Variants in PAK5 observed in about 807,000 individuals in gnomAD.
PAK5 encodes the protein p21 (RAC1) activated kinase 5, also known as serine/threonine-protein kinase PAK 5.
A neutral mutation model predicts 65.9 loss-of-function variants in PAK5; 16 were observed. The ratio of observed to expected loss-of-function variants is 0.24; its 90% CI spans 0.16 to 0.37. The LOEUF is 0.37. PAK5 is among the 10% of genes least tolerant of loss of function. PAK5 has a pLI of 1.00. For missense variants in PAK5, 785 were observed against 903.9 expected (o/e 0.87, Z 1.69); for synonymous variants, 371 against 354.9 (o/e 1.05, Z -0.51).
chr20:9,671,565 G>T (rs1421210679), intron 2 of PAK5, among the ~76,000 whole-genome samples: 1 of 151,594 alleles, frequency 6.6e-6, no homozygotes, highest in Non-Finnish European at 1.5e-5. Flanking sequence ...TCAGGATTTG[G>T]CTCTCTGTTT....
intron 1 of PAK5, among the ~76,000 whole-genome samples, chr20:9,766,696 G>A (rs1486877974): frequency 6.6e-6 from 1 of 151,220 alleles, no homozygotes; most frequent in African/African-American, 2.4e-5. Context: ...AGTTCAAAAG[G>A]TTAAAATAGG....
At chr20:9,600,977 A>G (rs1374388472) in intron 3 of PAK5, among the ~76,000 whole-genome samples, 1 of 152,166 alleles carries the variant, frequency 6.6e-6, no homozygotes, top group Non-Finnish European at 1.5e-5. Context: ...CTGGAGGTTA[A>G]GAGTCCCACT....
intron 2 of PAK5, among the ~76,000 whole-genome samples, chr20:9,668,855 C>G (rs1010250437): frequency 3.2e-4 from 48 of 152,172 alleles, no homozygotes; most frequent in African/African-American, 1.0e-3. Context: ...AAGGGAATAT[C>G]CACATCTATA....
intron 3 of PAK5, among the ~76,000 whole-genome samples, chr20:9,598,852 T>C (rs1380400273): frequency 6.6e-6 from 1 of 152,248 alleles, no homozygotes; most frequent in African/African-American, 2.4e-5. Flanking sequence ...TGTTTTAAAC[T>C]CTTTTTATAC....
Position 9,580,213 on chromosome 20 carries a change from G to T in PAK5, c.922C>A (p.Pro308Thr), listed in dbSNP as rs771654927. Residue 308 changes from proline (P) to threonine (T), a missense_variant, in exon 4 of 10, where the codon CCC becomes ACC. Around this residue, in one of 4 missense-constraint regions of PAK5, gnomAD observed 422 missense variants for 413.3 expected, o/e 1.02. Coordinates refer to ENST00000353224, the MANE Select transcript of PAK5 (RefSeq NM_177990.4). ...PFGASAFKTH[P>T]QGHSYNSYTY... ...TAGGAGTTGTAGGAGTGTCCTTGGGGATGGGTTTTAAATGCACTTGCTCCA... is the reference window on the plus strand; with the variant it reads ...TAGGAGTTGTAGGAGTGTCCTTGGGTATGGGTTTTAAATGCACTTGCTCCA... The T allele has an allele frequency of 6.2e-6, 10 of 1,614,022 alleles. No homozygotes were observed. The African/African-American group carries it at 6.7e-5, about 11-fold the overall frequency.
At chr20:9,589,704 T>G (rs2046132513) in intron 3 of PAK5, among the ~76,000 whole-genome samples, 1 of 152,192 alleles carries the variant, frequency 6.6e-6, no homozygotes, top group African/African-American at 2.4e-5. Context: ...GAGTTTCACC[T>G]TTGTTGCCCA....
At chr20:9,653,172 C>T (rs2047222903) in intron 2 of PAK5, among the ~76,000 whole-genome samples, 1 of 152,096 alleles carries the variant, frequency 6.6e-6, no homozygotes, top group South Asian at 2.1e-4. Flanking sequence ...TCCACATTGG[C>T]AGAATGACAA....
intron 1 of PAK5, among the ~76,000 whole-genome samples, chr20:9,819,360 T>A (rs543460863): frequency 6.6e-6 from 1 of 152,096 alleles, no homozygotes; most frequent in Non-Finnish European, 1.5e-5. Context: ...CACAAGAGGA[T>A]AGGGCTAAAG....
At chr20:9,763,034 G>A (rs2048717643) in intron 1 of PAK5, among the ~76,000 whole-genome samples, 2 of 152,088 alleles carry the variant, frequency 1.3e-5, no homozygotes. Flanking sequence ...AATACTGTAT[G>A]ATCTCACCTA....
chr20:9,833,633 G>A (rs930079125), intron 1 of PAK5, among the ~76,000 whole-genome samples: 4 of 151,782 alleles, frequency 2.6e-5, no homozygotes. Flanking sequence ...CTTTTGAAAA[G>A]TTTTCTTTTA....
At chr20:9,709,787 T>C (rs1281512652) in intron 2 of PAK5, among the ~76,000 whole-genome samples, 1 of 152,000 alleles carries the variant, frequency 6.6e-6, no homozygotes, top group Non-Finnish European at 1.5e-5. Context: ...CATGAAAAAC[T>C]CTTCTGAGCA....
intron 1 of PAK5, among the ~76,000 whole-genome samples, chr20:9,808,811 G>A (rs2049263021): frequency 6.6e-6 from 1 of 152,000 alleles, no homozygotes; most frequent in African/African-American, 2.4e-5. Context: ...ATTGATTGTG[G>A]TGATGGCTGT....
intron 6 of PAK5, among the ~76,000 whole-genome samples, chr20:9,559,807 T>A (rs1209291524): frequency 6.6e-6 from 1 of 151,974 alleles, no homozygotes; most frequent in Non-Finnish European, 1.5e-5. Context: ...ACCAGTCTCA[T>A]ACAAAGGCAG....
chr20:9,604,220 C>T (rs1400902612), intron 3 of PAK5, among the ~76,000 whole-genome samples: 2 of 152,196 alleles, frequency 1.3e-5, no homozygotes, highest in Non-Finnish European at 2.9e-5. Context: ...CACAAGCTGC[C>T]TAGGGCACTG....
At chr20:9,740,167 TTAAG>T (rs1407000689) in intron 1 of PAK5, among the ~76,000 whole-genome samples, 1 of 152,144 alleles carries the variant, frequency 6.6e-6, no homozygotes, top group Non-Finnish European at 1.5e-5. Flanking sequence ...AACACCTTAA[TTAAG>T]TGTTAATACC....
chr20:9,549,162 G>T (rs2045389628), intron 7 of PAK5, among the ~76,000 whole-genome samples: 2 of 152,082 alleles, frequency 1.3e-5, no homozygotes, highest in African/African-American at 4.8e-5. Context: ...GGGATAATTT[G>T]CAGAAGGAGA....
chr20:9,763,558 G>C (rs1261719946), intron 1 of PAK5, among the ~76,000 whole-genome samples: 1 of 151,930 alleles, frequency 6.6e-6, no homozygotes, highest in African/African-American at 2.4e-5. Flanking sequence ...CAATCTTGAA[G>C]CCCAACTCTC....
chr20:9,642,051 G>T (rs1015269706), intron 3 of PAK5, among the ~76,000 whole-genome samples: 5 of 152,220 alleles, frequency 3.3e-5, no homozygotes, highest in Non-Finnish European at 5.9e-5. Flanking sequence ...TGCAGCGGGG[G>T]GGCTGAAGGG....
At chr20:9,695,528 A>C (rs1429032834) in intron 2 of PAK5, among the ~76,000 whole-genome samples, 2 of 152,044 alleles carry the variant, frequency 1.3e-5, no homozygotes, top group Non-Finnish European at 2.9e-5. Flanking sequence ...GGATTCTAAA[A>C]AGGGAAATGC....
Sources: gnomAD v4.1 joint callset for allele counts (sites outside exome capture counted in the v4.1 genomes callset) on GRCh38, gnomAD v4.1.1 for gene constraint, gnomAD v4.1.1 regional missense constraint, MANE v1.5 for transcripts, NCBI Gene and HGNC (gene_info 2026-07-23, HGNC 2026-07-21) for gene names.